ANKRD44: variants seen among roughly 807,000 people sequenced by gnomAD.
ANKRD44 encodes ankyrin repeat domain 44.
A neutral mutation model predicts 116.0 loss-of-function variants in ANKRD44; 35 were observed. That is an observed-to-expected ratio of 0.30 (90% CI 0.23 to 0.40). The LOEUF (loss-of-function observed/expected upper bound fraction) is 0.40, where lower values mean the gene tolerates loss of function less well. ANKRD44 is among the 10% of genes least tolerant of loss of function. ANKRD44 has a pLI of 1.00. For synonymous variants in ANKRD44, 435 were observed against 461.8 expected, an observed-to-expected ratio of 0.94 and a Z score of 0.74; for missense variants, 1,014 against 1,242.6, an observed-to-expected ratio of 0.82 and a Z score of 2.77.
At chr2:197,094,864 C>A (rs1324660611) in intron 10 of ANKRD44, among the ~76,000 whole-genome samples, 1 of 152,168 alleles carries the variant, frequency 6.6e-6, no homozygotes, top group Admixed American at 6.5e-5. Flanking sequence ...TCAGTGGTTC[C>A]TTTTGAATCA....
chr2:197,295,860 G>A (rs2083704908), intron 1 of ANKRD44, among the ~76,000 whole-genome samples: 1 of 152,092 alleles, frequency 6.6e-6, no homozygotes, highest in South Asian at 2.1e-4. Flanking sequence ...AGGAGTTCAA[G>A]ACCAGACTGG....
At chr2:197,060,713 C>T (rs1410357097) in intron 16 of ANKRD44, among the ~76,000 whole-genome samples, 1 of 152,184 alleles carries the variant, frequency 6.6e-6, no homozygotes, top group African/African-American at 2.4e-5. Context: ...TCCTGGCAAC[C>T]CCCATTCTAC....
At chr2:197,136,094 C>CTA (rs1225700276) in intron 4 of ANKRD44, 2 of 165,432 alleles carry the variant, frequency 1.2e-5, no homozygotes, top group African/African-American at 4.8e-5. Context: ...CCAACCTCCA[C>CTA]TATCAGATTT....
chr2:197,198,548 T>C (rs559503409), intron 1 of ANKRD44, among the ~76,000 whole-genome samples: 2 of 152,146 alleles, frequency 1.3e-5, no homozygotes, highest in African/African-American at 4.8e-5. Flanking sequence ...TCCCAGCACT[T>C]TGGGAGGCCG....
At chr2:196,990,309 A>G in intron 27 of ANKRD44, 1 of 992,254 alleles carries the variant, frequency 1.0e-6, no homozygotes, top group Non-Finnish European at 1.2e-6. Flanking sequence ...TGTCACACTG[A>G]TATACTTCTG....
chr2:197,062,168 A>C (rs1385648220), intron 16 of ANKRD44, among the ~76,000 whole-genome samples: 1 of 152,204 alleles, frequency 6.6e-6, no homozygotes, highest in East Asian at 1.9e-4. Context: ...GCCATCCTAA[A>C]TTAGGTAGCT....
intron 16 of ANKRD44, among the ~76,000 whole-genome samples, chr2:197,033,413 G>A (rs558284460): frequency 6.6e-5 from 10 of 152,280 alleles, no homozygotes; most frequent in East Asian, 3.9e-4. Context: ...CATTTGCTAC[G>A]AGTCAAGCAC....
rs139024173 is a variant in ANKRD44 at position 197,233,063 on chromosome 2, C to T, written c.28-45957G>A. Among the ~76,000 whole-genome samples the T allele has an allele frequency of 7.9e-5, 12 of 152,260 alleles. No homozygotes were observed. In the East Asian group the frequency reaches 1.7e-3, roughly 22 times the overall value. ...AATATGGTCCCAATACATTCTACTC[C>T]GGGGAAGCTCTGCTACGTTGCACAC... is the stretch of plus-strand genomic sequence containing the variant. On this transcript the variant is annotated intron_variant, in intron 1 of 27. Coordinates refer to ENST00000282272, the MANE Select transcript of ANKRD44 (RefSeq NM_001195144.2).
At chr2:196,996,601 T>G (rs1322817239) in intron 25 of ANKRD44, among the ~76,000 whole-genome samples, 2 of 152,116 alleles carry the variant, frequency 1.3e-5, no homozygotes, top group African/African-American at 4.8e-5. Context: ...GAGGGCAAGT[T>G]GGTCTAAAAA....
intron 23 of ANKRD44, among the ~76,000 whole-genome samples, chr2:196,999,829 A>G (rs919829433): frequency 2.0e-5 from 3 of 152,120 alleles, no homozygotes; most frequent in Non-Finnish European, 4.4e-5. Flanking sequence ...TCCTGGCCTC[A>G]TGATCCACCC....
chr2:197,196,136 C>G (rs1319162109), intron 1 of ANKRD44, among the ~76,000 whole-genome samples: 1 of 152,142 alleles, frequency 6.6e-6, no homozygotes, highest in Non-Finnish European at 1.5e-5. Flanking sequence ...CTCATCTTGG[C>G]TTGGGTTACA....
intron 16 of ANKRD44, among the ~76,000 whole-genome samples, chr2:197,044,407 C>T (rs1358029285): frequency 6.6e-6 from 1 of 152,144 alleles, no homozygotes; most frequent in Non-Finnish European, 1.5e-5. Context: ...CATTCTGTTG[C>T]CCAGGCTGGA....
intron 1 of ANKRD44, among the ~76,000 whole-genome samples, chr2:197,280,318 G>A (rs1244978753): frequency 1.3e-5 from 2 of 152,192 alleles, no homozygotes; most frequent in African/African-American, 4.8e-5. Context: ...AAACAACAAA[G>A]AAAGCATCTG....
At chr2:196,982,089 T>G (rs991654080), downstream of ANKRD44, among the ~76,000 whole-genome samples, 2 of 102,706 alleles carry the variant, frequency 1.9e-5, no homozygotes, top group Non-Finnish European at 4.1e-5. Context: ...CTCTTCTCAT[T>G]TGTCAATACT....
At chr2:197,104,915 T>C (rs1275521906) in intron 9 of ANKRD44, among the ~76,000 whole-genome samples, 3 of 152,216 alleles carry the variant, frequency 2.0e-5, no homozygotes, top group Non-Finnish European at 4.4e-5. Flanking sequence ...CTTCTGTGTG[T>C]AGAATTTTGT....
intron 16 of ANKRD44, among the ~76,000 whole-genome samples, chr2:197,076,068 A>G (rs2077659368): frequency 6.6e-6 from 1 of 152,084 alleles, no homozygotes; most frequent in African/African-American, 2.4e-5. Flanking sequence ...ACACATACTC[A>G]TTTACTCTCT....
At chr2:197,125,288 C>A in intron 6 of ANKRD44, 93 bp downstream of exon 6, 2 of 1,200,438 alleles carry the variant, frequency 1.7e-6, no homozygotes, top group South Asian at 1.3e-5. Flanking sequence ...GAAAAGAAGT[C>A]AGACTGGAGA....
intron 1 of ANKRD44, among the ~76,000 whole-genome samples, chr2:197,218,514 C>T (rs1263591355): frequency 6.6e-6 from 1 of 152,142 alleles, no homozygotes; most frequent in African/African-American, 2.4e-5. Flanking sequence ...CTTTTAATTG[C>T]TCCCAAACCA....
intron 8 of ANKRD44, among the ~76,000 whole-genome samples, chr2:197,112,647 G>T (rs1247239242): frequency 2.0e-5 from 3 of 149,200 alleles, no homozygotes; most frequent in Non-Finnish European, 4.4e-5. Flanking sequence ...GGCGGAGTTT[G>T]CAGTGAGCCG....
Sources: allele counts gnomAD v4.1 joint callset (sites outside exome capture counted in the v4.1 genomes callset), GRCh38; gene constraint gnomAD v4.1.1; transcripts MANE v1.5; gene names NCBI Gene and HGNC (gene_info 2026-07-23, HGNC 2026-07-21).